FARSB: variants seen among roughly 807,000 people sequenced by gnomAD.
FARSB encodes phenylalanyl-tRNA synthetase subunit beta.
In FARSB, 40 loss-of-function variants were observed where a neutral mutation model predicts 69.6. That is an observed-to-expected ratio of 0.57 (90% CI 0.45 to 0.75). The LOEUF is 0.75. FARSB is among the 30% of genes least tolerant of loss of function. FARSB has a pLI of 0.00. For missense variants in FARSB, 632 were observed against 722.9 expected, an observed-to-expected ratio of 0.87 and a Z score of 1.44; for synonymous variants, 235 against 247.2, an observed-to-expected ratio of 0.95 and a Z score of 0.46.
chr2:222,573,231 G>A (rs956012421), intron 16 of FARSB, among the ~76,000 whole-genome samples: 1 of 152,134 alleles, frequency 6.6e-6, no homozygotes, highest in Admixed American at 6.5e-5. Flanking sequence ...TCTGGGGAAA[G>A]AGCTGGAAAA....
At chr2:222,649,993 C>T (rs928996558) in intron 1 of FARSB, among the ~76,000 whole-genome samples, 2 of 152,158 alleles carry the variant, frequency 1.3e-5, no homozygotes, top group African/African-American at 2.4e-5. Context: ...AACACAATTC[C>T]TGCCTTAACT....
chr2:222,579,980 T>C (rs920904799), intron 16 of FARSB, among the ~76,000 whole-genome samples: 1 of 152,182 alleles, frequency 6.6e-6, no homozygotes, highest in Non-Finnish European at 1.5e-5. Context: ...GAATTAAGTC[T>C]TTAATAACAT....
intron 16 of FARSB, among the ~76,000 whole-genome samples, chr2:222,591,074 T>A (rs1008816001): frequency 2.0e-5 from 3 of 151,890 alleles, no homozygotes; most frequent in African/African-American, 7.3e-5. Flanking sequence ...GGTGTGGTAG[T>A]GTGTACCTAT....
chr2:222,647,720 G>A (rs146462203), intron 2 of FARSB, among the ~76,000 whole-genome samples: 46 of 152,304 alleles, frequency 3.0e-4, no homozygotes, highest in Non-Finnish European at 3.7e-4. Context: ...AGCCAAGATC[G>A]CGCTGTCGCA....
intron 8 of FARSB, among the ~76,000 whole-genome samples, chr2:222,631,194 T>A (rs915358945): frequency 2.0e-5 from 3 of 151,436 alleles, no homozygotes; most frequent in African/African-American, 7.3e-5. Context: ...TTTTTTTTTT[T>A]AAGATTTTAA....
chr2:222,593,983 G>A (rs1312046059), intron 16 of FARSB, among the ~76,000 whole-genome samples: 4 of 151,324 alleles, frequency 2.6e-5, no homozygotes, highest in Non-Finnish European at 4.4e-5. Context: ...TTAGCTGGGC[G>A]TGGTGGCTCA....
chr2:222,620,701 C>T (rs1691113978), intron 13 of FARSB, among the ~76,000 whole-genome samples: 1 of 152,152 alleles, frequency 6.6e-6, no homozygotes, highest in Non-Finnish European at 1.5e-5. Context: ...TTTGAAAAAG[C>T]ATTTAAAACG....
intron 14 of FARSB, among the ~76,000 whole-genome samples, chr2:222,614,473 C>T (rs956036304): frequency 7.9e-5 from 12 of 152,170 alleles, no homozygotes; most frequent in Admixed American, 7.9e-4. Flanking sequence ...ATTTCAAATG[C>T]ATGTTTGCAA....
intron 5 of FARSB, among the ~76,000 whole-genome samples, chr2:222,638,374 A>G (rs1056726203): frequency 1.3e-5 from 2 of 152,252 alleles, no homozygotes; most frequent in Admixed American, 6.5e-5. Flanking sequence ...TTAGATTAAA[A>G]TAACTTCTTA....
At chr2:222,632,211 T>C (rs1416465154) in intron 7 of FARSB, among the ~76,000 whole-genome samples, 2 of 152,142 alleles carry the variant, frequency 1.3e-5, no homozygotes, top group African/African-American at 4.8e-5. Flanking sequence ...CTACTGCAAG[T>C]TGAAGAATAA....
chr2:222,636,116 A>C (rs891400124), intron 5 of FARSB, among the ~76,000 whole-genome samples: 4 of 151,646 alleles, frequency 2.6e-5, no homozygotes, highest in South Asian at 2.1e-4. Context: ...ATATAGAAGA[A>C]TATGCTTAGG....
At chr2:222,639,518 A>C in intron 5 of FARSB, 62 bp downstream of exon 5, 1 of 684,084 alleles carries the variant, frequency 1.5e-6, no homozygotes, top group Non-Finnish European at 2.6e-6. Flanking sequence ...TCAGGATGGA[A>C]AGGAGATAGG....
intron 3 of FARSB, among the ~76,000 whole-genome samples, chr2:222,641,965 G>C (rs1370858469): frequency 6.6e-6 from 1 of 150,740 alleles, no homozygotes; most frequent in Non-Finnish European, 1.5e-5. Context: ...TTTAATAGCT[G>C]TTCATTTTTT....
At chr2:222,608,360 C>T (rs1400921695) in intron 15 of FARSB, among the ~76,000 whole-genome samples, 1 of 152,102 alleles carries the variant, frequency 6.6e-6, no homozygotes, top group Non-Finnish European at 1.5e-5. Context: ...AATGAAAATG[C>T]TTTTATTGAG....
intron 13 of FARSB, among the ~76,000 whole-genome samples, chr2:222,622,690 G>T (rs891639710): frequency 3.3e-5 from 5 of 152,122 alleles, no homozygotes; most frequent in African/African-American, 1.2e-4. Context: ...GTTCTAGGAG[G>T]CTAAAGGTCA....
intron 15 of FARSB, among the ~76,000 whole-genome samples, chr2:222,603,280 G>A (rs1445509895): frequency 3.3e-5 from 5 of 152,052 alleles, no homozygotes; most frequent in Non-Finnish European, 7.4e-5. Flanking sequence ...CTTCTTCCAC[G>A]GATTTACTCC....
At chr2:222,642,515 C>T (rs546817871) in intron 3 of FARSB, among the ~76,000 whole-genome samples, 99 of 152,338 alleles carry the variant, frequency 6.5e-4, no homozygotes, top group African/African-American at 2.3e-3. Context: ...TTCCTCTCAA[C>T]TTTTAACACA....
intron 16 of FARSB, among the ~76,000 whole-genome samples, chr2:222,597,104 G>C (rs529352741): frequency 1.4e-3 from 219 of 152,240 alleles, no homozygotes; most frequent in African/African-American, 5.1e-3. Context: ...AGAGACTAAT[G>C]CGGCCAATGA....
chr2:222,648,664 A>G, intron 2 of FARSB, 76 bp downstream of exon 2: 1 of 928,740 alleles, frequency 1.1e-6, no homozygotes, highest in Non-Finnish European at 1.8e-6. Flanking sequence ...GGTAACAAAG[A>G]TGAAATACAG....
Sources: gnomAD v4.1 joint callset for allele counts (sites outside exome capture counted in the v4.1 genomes callset) on GRCh38, gnomAD v4.1.1 for gene constraint, MANE v1.5 for transcripts, NCBI Gene and HGNC (gene_info 2026-07-23, HGNC 2026-07-21) for gene names.